Variants in SGCD observed in about 807,000 individuals in gnomAD.
The protein encoded by SGCD is sarcoglycan delta.
A neutral mutation model predicts 36.6 loss-of-function variants in SGCD; 18 were observed. The observed-to-expected ratio is 0.49, with a 90% confidence interval of 0.34 to 0.73. The LOEUF (loss-of-function observed/expected upper bound fraction) is 0.73. Ranked by LOEUF, SGCD falls within the 30% of genes least tolerant of loss-of-function variation. The pLI is 0.01. For synonymous variants in SGCD, 133 were observed against 130.6 expected (o/e 1.02, Z -0.12); for missense variants, 387 against 346.7 (o/e 1.12, Z -0.92).
intron 2 of SGCD, among the ~76,000 whole-genome samples, chr5:156,336,213 G>A (rs1193338257): frequency 6.6e-6 from 1 of 152,142 alleles, no homozygotes; most frequent in African/African-American, 2.4e-5. Flanking sequence ...GCACTTGCTT[G>A]TCCAGTTTCC....
intron 3 of SGCD, among the ~76,000 whole-genome samples, chr5:156,205,977 G>GTA (rs915531698): frequency 2.3e-4 from 33 of 140,432 alleles, no homozygotes; most frequent in Non-Finnish European, 3.7e-4. Flanking sequence ...ATATGTGTGT[G>GTA]TATATATATA....
intron 3 of SGCD, among the ~76,000 whole-genome samples, chr5:156,411,659 AG>A (rs1181737630): frequency 3.3e-5 from 5 of 152,242 alleles, no homozygotes; most frequent in Non-Finnish European, 7.3e-5. Flanking sequence ...TAAGATAAAC[AG>A]TATGAAAAGA....
intron 3 of SGCD, among the ~76,000 whole-genome samples, chr5:156,450,706 C>T (rs192241821): frequency 6.6e-6 from 1 of 151,838 alleles, no homozygotes; most frequent in African/African-American, 2.4e-5. Context: ...CATTCATTTT[C>T]AAATCATAAT....
intron 6 of SGCD, among the ~76,000 whole-genome samples, chr5:156,621,756 CAG>C (rs1302882668): frequency 2.6e-5 from 4 of 152,200 alleles, no homozygotes; most frequent in Non-Finnish European, 5.9e-5. Context: ...AAGTTCAACA[CAG>C]AGAGTAGAGA....
At chr5:155,952,742 CATT>C (rs1196172342) in intron 1 of SGCD, among the ~76,000 whole-genome samples, 2 of 152,208 alleles carry the variant, frequency 1.3e-5, no homozygotes, top group African/African-American at 4.8e-5. Flanking sequence ...AAATCCCTGT[CATT>C]ATGCAAAATG....
intron 7 of SGCD, among the ~76,000 whole-genome samples, chr5:156,726,609 A>G (rs1755784785): frequency 6.6e-6 from 1 of 152,168 alleles, no homozygotes; most frequent in South Asian, 2.1e-4. Flanking sequence ...GGCTTTAACA[A>G]ACTCTTTATG....
the SGCD span, among the ~76,000 whole-genome samples, chr5:155,853,861 C>A: frequency 9.0e-3 from 1,368 of 152,176 alleles, 20 homozygotes; most frequent in African/African-American, 0.031. Flanking sequence ...GTGAATTAAC[C>A]AAGGTTATGA....
At chr5:156,345,295 G>C (rs1292060275) in intron 3 of SGCD, among the ~76,000 whole-genome samples, 2 of 151,892 alleles carry the variant, frequency 1.3e-5, no homozygotes, top group African/African-American at 4.8e-5. Context: ...TTTGCTATTG[G>C]TGTTTGGGGT....
At chr5:156,489,945 TG>T (rs1755862018) in intron 3 of SGCD, among the ~76,000 whole-genome samples, 1 of 150,948 alleles carries the variant, frequency 6.6e-6, no homozygotes, top group South Asian at 2.1e-4. Context: ...TGATTTTTGG[TG>T]AGATAAAATG....
At chr5:155,792,952 T>G in the SGCD span, among the ~76,000 whole-genome samples, 1 of 152,170 alleles carries the variant, frequency 6.6e-6, no homozygotes, top group Admixed American at 6.5e-5. Flanking sequence ...CACATGCACT[T>G]GTATGTTTAT....
chr5:155,947,722 C>T (rs1399261130), intron 1 of SGCD, among the ~76,000 whole-genome samples: 1 of 152,068 alleles, frequency 6.6e-6, no homozygotes, highest in Admixed American at 6.6e-5. Context: ...GAAGGTGGGA[C>T]CCATATTCAA....
intron 3 of SGCD, among the ~76,000 whole-genome samples, chr5:156,422,311 A>G (rs1365843747): frequency 2.0e-5 from 3 of 152,062 alleles, no homozygotes; most frequent in Non-Finnish European, 4.4e-5. Flanking sequence ...ATGTGACCCA[A>G]TAACAAAGTC....
chr5:156,721,005 G>A (rs530754580), intron 7 of SGCD, among the ~76,000 whole-genome samples: 12 of 152,272 alleles, frequency 7.9e-5, no homozygotes, highest in Admixed American at 7.8e-4. Context: ...GGATTTCCTG[G>A]CATGTTAGTG....
chr5:156,172,878 T>C (rs1232028948), intron 3 of SGCD, among the ~76,000 whole-genome samples: 1 of 152,078 alleles, frequency 6.6e-6, no homozygotes, highest in Non-Finnish European at 1.5e-5. Context: ...ATACATATTA[T>C]TGGCAGCACA....
intron 7 of SGCD, among the ~76,000 whole-genome samples, chr5:156,703,719 G>A (rs1167285464): frequency 6.6e-6 from 1 of 152,114 alleles, no homozygotes; most frequent in African/African-American, 2.4e-5. Flanking sequence ...ATTTGATGAA[G>A]CCCAGGAGCA....
chr5:156,473,301 A>G (rs1476636224), intron 3 of SGCD, among the ~76,000 whole-genome samples: 2 of 152,216 alleles, frequency 1.3e-5, no homozygotes, highest in South Asian at 2.1e-4. Flanking sequence ...GTTTCCATGG[A>G]GATACCTCCC....
At chr5:156,682,394 T>C (rs557955864) in intron 7 of SGCD, among the ~76,000 whole-genome samples, 4 of 152,318 alleles carry the variant, frequency 2.6e-5, no homozygotes, top group African/African-American at 7.2e-5. Flanking sequence ...ACAAGTTAAA[T>C]AGGTTCTAAT....
intron 1 of SGCD, among the ~76,000 whole-genome samples, chr5:155,998,779 G>T (rs1346819626): frequency 6.6e-6 from 1 of 152,142 alleles, no homozygotes; most frequent in African/African-American, 2.4e-5. Flanking sequence ...GGAAACACCT[G>T]CTCACACTTT....
At position 156,248,842 on chromosome 5, in the gene SGCD, C is replaced by T. The variant is rs111244261; in HGVS notation, c.-43-80692C>T. Among the ~76,000 whole-genome samples the T allele has an allele frequency of 1.1e-3, 169 of 152,204 alleles. 1 individual carries two copies. In the Middle Eastern group the frequency reaches 0.017, roughly 15 times the overall value. On this transcript the variant is annotated intron_variant, in intron 3 of 9. Coordinates refer to the SGCD transcript ENST00000517913. ...AGGAAAGAAGCCATTCTTAAGAGGA[C>T]TTTGTATGAACAGGATATTTGGGGT...
Sources: gnomAD v4.1 joint callset for allele counts (sites outside exome capture counted in the v4.1 genomes callset) on GRCh38, gnomAD v4.1.1 for gene constraint, MANE v1.5 for transcripts, NCBI Gene and HGNC (gene_info 2026-07-23, HGNC 2026-07-21) for gene names.